KIRREL3: variants seen among roughly 807,000 people sequenced by gnomAD.
KIRREL3 encodes kirre like nephrin family adhesion molecule 3.
In KIRREL3, 36 loss-of-function variants were observed where a neutral mutation model predicts 89.7. That is an observed-to-expected ratio of 0.40 (90% confidence interval 0.31 to 0.53). The LOEUF (loss-of-function observed/expected upper bound fraction) is 0.53. KIRREL3 is among the 20% of genes least tolerant of loss of function. The probability of loss-of-function intolerance (pLI) is 0.49; values close to 1 mark genes in which losing one functional copy is unlikely to be tolerated. For synonymous variants in KIRREL3, 445 were observed against 441.4 expected (o/e 1.01, Z -0.10); for missense variants, 864 against 1,056.6 (o/e 0.82, Z 2.53).
rs541091281 is a variant in KIRREL3 at position 126,651,828 on chromosome 11, G to A, written c.56-88916C>T. Reference sequence around the variant, plus strand: ...AACCCAATAAATGAGAAGTTTTGGAGACAGCATTAATTGTGATGAAGGGTT... The same window carrying A: ...AACCCAATAAATGAGAAGTTTTGGAAACAGCATTAATTGTGATGAAGGGTT... On this transcript the variant is annotated intron_variant, in intron 1 of 16. Transcript: ENST00000525144. This position sits in a 1 kb window ranked among gnomAD's most constrained non-coding sequence, Gnocchi z 4.6. Among the ~76,000 whole-genome samples the A allele has an allele frequency of 6.6e-6, 1 of 152,314 alleles. No individual in the cohort carries two copies. Among genetic ancestry groups the A allele is most frequent in the South Asian group, 2.1e-4 (1 of 4,826 alleles).
intron 1 of KIRREL3, among the ~76,000 whole-genome samples, chr11:126,693,855 G>A (rs2135141682): frequency 6.6e-6 from 1 of 152,338 alleles, no homozygotes; most frequent in Non-Finnish European, 1.5e-5. Context: ...TGAACACCTA[G>A]ATACACCTTT....
intron 1 of KIRREL3, among the ~76,000 whole-genome samples, chr11:126,928,824 G>A (rs1947823533): frequency 6.6e-6 from 1 of 152,170 alleles, no homozygotes; most frequent in African/African-American, 2.4e-5. Context: ...AGTTAAGTTT[G>A]TGGCGCTTAT....
In KIRREL3 at chr11:126,623,531, C is replaced by G. The variant is rs572279394; in HGVS notation, c.56-60619G>C. 8.5e-5 allele frequency among the ~76,000 whole-genome samples: 13 copies of G among 152,188 alleles called. No individual in the cohort carries two copies. The highest frequency in any genetic ancestry group is 3.1e-4 in the African/African-American group (13 of 41,520). ...GTAGCCACTGGAATGATCAGAAAAACGTCTGTGTGAATCTTGCATGATGGA... is the reference window on the plus strand; with the variant it reads ...GTAGCCACTGGAATGATCAGAAAAAGGTCTGTGTGAATCTTGCATGATGGA... On this transcript the variant is annotated intron_variant, in intron 1 of 16. Transcript: ENST00000525144. This position sits in a 1 kb window ranked among gnomAD's most constrained non-coding sequence, Gnocchi z 4.1.
At chr11:126,836,404 C>A (rs912706956) in intron 1 of KIRREL3, among the ~76,000 whole-genome samples, 1 of 152,244 alleles carries the variant, frequency 6.6e-6, no homozygotes, top group Non-Finnish European at 1.5e-5. Context: ...AGCCTTTGTG[C>A]CCTTACCAGG....
intron 1 of KIRREL3, among the ~76,000 whole-genome samples, chr11:126,886,504 G>A (rs78529473): frequency 2.0e-5 from 3 of 152,150 alleles, no homozygotes; most frequent in Admixed American, 2.0e-4. Flanking sequence ...TAAACTGAAG[G>A]TCTTCTGCCT....
At chr11:126,901,266 A>G (rs890412411) in intron 1 of KIRREL3, among the ~76,000 whole-genome samples, 9 of 151,816 alleles carry the variant, frequency 5.9e-5, no homozygotes, top group African/African-American at 2.2e-4. Flanking sequence ...AGCACAGCAC[A>G]TAGAACCTGC....
rs1304960892 is a variant in KIRREL3 at position 126,567,086 on chromosome 11, C to T, written c.56-4174G>A. On this transcript the variant is annotated intron_variant, in intron 1 of 16. Coordinates refer to ENST00000525144, the MANE Select transcript of KIRREL3 (RefSeq NM_032531.4). The stretch of plus-strand genomic sequence containing the variant: ...CACAGATCAGCGGTGTGGGCTGGGA[C>T]AGTGCTATAGGTCGAATTCCTCACC... Among the ~76,000 whole-genome samples the T allele has an allele frequency of 2.6e-5, 4 of 152,334 alleles. No individual in the cohort carries two copies. The East Asian group carries it at 5.8e-4, about 22-fold the overall frequency.
chr11:126,888,835 T>A (rs1945797282), intron 1 of KIRREL3, among the ~76,000 whole-genome samples: 2 of 152,182 alleles, frequency 1.3e-5, no homozygotes, highest in Non-Finnish European at 2.9e-5. Flanking sequence ...TGAAACCCAT[T>A]TGTGAGTTTA....
intron 1 of KIRREL3, among the ~76,000 whole-genome samples, chr11:126,712,254 G>C (rs2134147732): frequency 8.1e-6 from 1 of 123,546 alleles, no homozygotes; most frequent in East Asian, 2.5e-4. Flanking sequence ...GTGTGCTCCA[G>C]ATAAGGGCGA....
intron 1 of KIRREL3, among the ~76,000 whole-genome samples, chr11:126,632,898 C>T (rs1784001): frequency 0.4 from 59,997 of 148,938 alleles, 12,796 homozygotes; most frequent in South Asian, 0.52. Context: ...TTGAGACCAG[C>T]CTGGCCAATA....
intron 1 of KIRREL3, among the ~76,000 whole-genome samples, chr11:126,979,693 T>C (rs1949672432): frequency 6.6e-6 from 1 of 152,162 alleles, no homozygotes; most frequent in Non-Finnish European, 1.5e-5. Flanking sequence ...AAAATAGAAA[T>C]AAGGGTGTTT....
intron 1 of KIRREL3, among the ~76,000 whole-genome samples, chr11:126,774,839 A>C (rs6590228): frequency 0.61 from 92,029 of 151,868 alleles, 28,136 homozygotes; most frequent in East Asian, 0.82. Context: ...GACAGCCTGG[A>C]TCCTGCTGAG....
intron 1 of KIRREL3, among the ~76,000 whole-genome samples, chr11:126,925,574 C>T (rs971885511): frequency 6.6e-6 from 1 of 152,162 alleles, no homozygotes; most frequent in Admixed American, 6.5e-5. Context: ...CAGCCCTGCC[C>T]TCTCCTCCTT....
chr11:126,808,626 G>T lies in KIRREL3; in HGVS notation c.55+191829C>A, dbSNP rs2187573. ...AGCAGCAAAATGGAGCCAAATGGGC[G>T]GGGGCCTTTTTCTGCGCTTTTTAAC... On this transcript the variant is annotated intron_variant, in intron 1 of 16. Transcript: ENST00000525144. This position sits in a 1 kb window ranked among gnomAD's most constrained non-coding sequence, Gnocchi z 4.1. Among the ~76,000 whole-genome samples the T allele has an allele frequency of 0.85, 129,211 of 152,236 alleles. 55,012 individuals are homozygous for T. Among genetic ancestry groups the T allele is most frequent in the East Asian group, 1 (5,178 of 5,184 alleles).
rs1404364922 is a variant in KIRREL3, at chr11:126,808,388, C to T, written c.55+192067G>A. Among the ~76,000 whole-genome samples the T allele has an allele frequency of 3.3e-5, 5 of 152,112 alleles. No individual in the cohort carries two copies. Among genetic ancestry groups the T allele is most frequent in the African/African-American group, 9.7e-5 (4 of 41,410 alleles). The stretch of plus-strand genomic sequence containing the variant: ...TTTAGTCCTTGCTCCAGGGCTAACT[C>T]CCCCTCCCCTGCCCAATGTGGTGGG... On this transcript the variant is annotated intron_variant, in intron 1 of 16. Transcript: ENST00000525144. This position sits in a 1 kb window ranked among gnomAD's most constrained non-coding sequence, Gnocchi z 4.1.
chr11:126,648,457 A>G (rs542554691), intron 1 of KIRREL3, among the ~76,000 whole-genome samples: 1 of 152,158 alleles, frequency 6.6e-6, no homozygotes, highest in Admixed American at 6.5e-5. Context: ...CTTCTTGGGG[A>G]CTGACCATCT....
chr11:126,497,767 C>G (rs965247528), intron 4 of KIRREL3, among the ~76,000 whole-genome samples: 1 of 152,214 alleles, frequency 6.6e-6, no homozygotes, highest in Non-Finnish European at 1.5e-5. Flanking sequence ...ATGTTCAGCC[C>G]CACCTCCAGG....
Position 126,797,218 on chromosome 11 carries a change from A to C in KIRREL3, c.55+203237T>G, listed in dbSNP as rs1303260876. ...GAGCCTAGGCTCTGAATATGGGACC[A>C]ATTTGAATTTAGATCCCACCTCTGC... On this transcript the variant is annotated intron_variant, in intron 1 of 16. Coordinates refer to ENST00000525144, the MANE Select transcript of KIRREL3 (RefSeq NM_032531.4). This position sits in a 1 kb window ranked among gnomAD's most constrained non-coding sequence, Gnocchi z 4.9. Among the ~76,000 whole-genome samples, 1 of 152,126 alleles carries C rather than the reference A, an allele frequency of 6.6e-6. No homozygotes were observed. Among genetic ancestry groups the C allele is most frequent in the Non-Finnish European group, 1.5e-5 (1 of 68,008 alleles).
In KIRREL3 at chr11:126,703,959, T is replaced by TG. The variant is rs11400173; in HGVS notation, c.56-141048_56-141047insC. Reference sequence around the variant, plus strand: ...CACAGAAAGGAAGAAGAAATGGAATTTCTGTCAGATTGCTTGAACTCACTC... The same window carrying TG: ...CACAGAAAGGAAGAAGAAATGGAATTGTCTGTCAGATTGCTTGAACTCACTC... On this transcript the variant is annotated intron_variant, in intron 1 of 16. Transcript: ENST00000525144. This position sits in a 1 kb window ranked among gnomAD's most constrained non-coding sequence, Gnocchi z 4.6. Among the ~76,000 whole-genome samples, 134,298 of 152,250 alleles carry TG rather than the reference T, an allele frequency of 0.88. 59,422 individuals are homozygous for TG. Among genetic ancestry groups the TG allele is most frequent in the East Asian group, 1 (5,175 of 5,182 alleles).
Sources: gnomAD v4.1 joint callset for allele counts (sites outside exome capture counted in the v4.1 genomes callset) on GRCh38, gnomAD v4.1.1 for gene constraint, Gnocchi (gnomAD v3.1) non-coding constraint, MANE v1.5 for transcripts, NCBI Gene and HGNC (gene_info 2026-07-23, HGNC 2026-07-21) for gene names.